GREB1L: variants seen among roughly 807,000 people sequenced by gnomAD.
GREB1L encodes the protein GREB1-like protein.
Under a neutral mutation model 200.8 loss-of-function variants are expected in GREB1L, and 17 were observed. That is an observed-to-expected ratio of 0.08 (90% CI 0.06 to 0.13). GREB1L has a LOEUF of 0.13. GREB1L is among the 10% of genes least tolerant of loss of function. The pLI is 1.00. For missense variants in GREB1L, 1,657 were observed against 2,367.7 expected, an observed-to-expected ratio of 0.70 and a Z score of 6.23; for synonymous variants, 789 against 893.0, an observed-to-expected ratio of 0.88 and a Z score of 2.08.
intron 7 of GREB1L, among the ~76,000 whole-genome samples, chr18:21,425,799 A>G (rs1194460726): frequency 1.3e-5 from 2 of 152,104 alleles, no homozygotes; most frequent in Non-Finnish European, 2.9e-5. Context: ...TATATCATAT[A>G]CGTGATTTTC....
chr18:21,499,493 C>G (rs528102160), intron 21 of GREB1L, among the ~76,000 whole-genome samples: 1 of 152,292 alleles, frequency 6.6e-6, no homozygotes, highest in African/African-American at 2.4e-5. Flanking sequence ...GGGGAAGCCA[C>G]AGAAGAAGCA....
intron 1 of GREB1L, among the ~76,000 whole-genome samples, chr18:21,344,660 C>T (rs1179357364): frequency 1.3e-5 from 2 of 152,176 alleles, no homozygotes; most frequent in Non-Finnish European, 2.9e-5. Flanking sequence ...CAAACTGTGA[C>T]TCTAAAGATT....
intron 1 of GREB1L, among the ~76,000 whole-genome samples, chr18:21,326,409 C>T (rs1415789614): frequency 1.3e-5 from 2 of 152,138 alleles, no homozygotes; most frequent in Admixed American, 1.3e-4. Context: ...CAATCTAGGT[C>T]CAAGATGGTG....
chr18:21,465,904 C>T (rs2035245949), intron 15 of GREB1L, among the ~76,000 whole-genome samples: 1 of 152,106 alleles, frequency 6.6e-6, no homozygotes, highest in African/African-American at 2.4e-5. Flanking sequence ...GCTAATGTCC[C>T]TCTCTTTTCA....
At chr18:21,325,319 A>G (rs1259241186) in intron 1 of GREB1L, among the ~76,000 whole-genome samples, 2 of 152,150 alleles carry the variant, frequency 1.3e-5, no homozygotes, top group Non-Finnish European at 2.9e-5. Context: ...ATTATCTACA[A>G]TTCTTCTCCA....
chr18:21,351,169 A>G (rs186650917), intron 1 of GREB1L, among the ~76,000 whole-genome samples: 249 of 152,222 alleles, frequency 1.6e-3, no homozygotes, highest in African/African-American at 5.8e-3. Context: ...TTCTCCCTCT[A>G]TTCTACTGTT....
At chr18:21,385,557 TG>T (rs1028122589) in intron 4 of GREB1L, among the ~76,000 whole-genome samples, 5 of 152,338 alleles carry the variant, frequency 3.3e-5, no homozygotes, top group Admixed American at 2.6e-4. Context: ...CTTATGAATT[TG>T]TTTATGATTG....
rs1032440942 is a variant in GREB1L, at chr18:21,440,461, C to T, written c.1069+73C>T. 47 of 1,398,890 alleles carry T rather than the reference C, an allele frequency of 3.4e-5. No individual in the cohort carries two copies. In the Admixed American group the frequency reaches 9.7e-4, roughly 29 times the overall value. 86.7% of individuals were successfully genotyped at this position (1,398,890 alleles called of 1,614,324 possible). ...GAGATATCTTCTACTTCCATTCTTT[C>T]CCTGAATTCTTGACAATGAGTTATA... On this transcript the variant is annotated intron_variant, in intron 9 of 32. Transcript: ENST00000424526.
intron 1 of GREB1L, among the ~76,000 whole-genome samples, chr18:21,273,777 C>CG (rs1270485279): frequency 6.6e-6 from 1 of 151,992 alleles, no homozygotes; most frequent in Non-Finnish European, 1.5e-5. Context: ...GCTTGACACA[C>CG]GGGAGGAACT....
rs576786428 is a variant in GREB1L at position 21,292,803 on chromosome 18, G to A, written c.-120+50410G>A. Among the ~76,000 whole-genome samples the A allele has an allele frequency of 2.0e-5, 3 of 152,302 alleles. No homozygotes were observed. In the South Asian group the frequency reaches 6.2e-4, roughly 32 times the overall value. On this transcript the variant is annotated intron_variant, in intron 1 of 32. Coordinates refer to ENST00000424526, the MANE Select transcript of GREB1L (RefSeq NM_001142966.3). ...TTTATGGAGTGAAATGAATGCCATC[G>A]TAGACTAGGTTCTGAAGTTTGGTCA...
Position 21,452,080 on chromosome 18 carries a change from T to C in GREB1L, c.1850-3T>C. 1 of 1,551,654 alleles carries C rather than the reference T, an allele frequency of 6.4e-7. No homozygotes were observed. Among genetic ancestry groups the C allele is most frequent in the African/African-American group, 1.4e-5 (1 of 73,134 alleles). On this transcript the variant is annotated splice_region_variant and splice_polypyrimidine_tract_variant and intron_variant, in intron 13 of 32. Transcript: ENST00000424526. ...TAACCTTCTTATCTCTATTTTGTAA[T>C]AGGCGATGACCTAGACAAGCTGCTG...
At position 21,439,504 on chromosome 18, in the gene GREB1L, C is replaced by T; in HGVS notation, c.833-17C>T. The T allele has an allele frequency of 6.9e-7, 1 of 1,453,046 alleles. No homozygotes were observed. Among genetic ancestry groups the T allele is most frequent in the Non-Finnish European group, 9.5e-7 (1 of 1,056,768 alleles). The allele number at this position is 1,453,046 out of a possible 1,614,324, so 90.0% of individuals were successfully genotyped here. A position where few individuals can be genotyped will look rare whatever the true frequency, so the allele number is the denominator to read the frequency against. On this transcript the variant is annotated splice_polypyrimidine_tract_variant and intron_variant, in intron 7 of 32. Transcript: ENST00000424526. ...CCCAGCCTCTGTTCTGAGCACTCCT[C>T]TCCTTGTGTTCTACAGATGCTGCTA...
chr18:21,287,225 A>G (rs1365128860), intron 1 of GREB1L, among the ~76,000 whole-genome samples: 3 of 151,980 alleles, frequency 2.0e-5, no homozygotes, highest in African/African-American at 4.8e-5. Context: ...CATACATGCT[A>G]TTTTTTCCCC....
At chr18:21,242,985 T>TC (rs1313823229) in intron 1 of GREB1L, among the ~76,000 whole-genome samples, 1 of 152,030 alleles carries the variant, frequency 6.6e-6, no homozygotes, top group Non-Finnish European at 1.5e-5. Context: ...TGGGTTTTTT[T>TC]CCTCAACACC....
rs79623961 is a variant in GREB1L, at chr18:21,419,319, A to G, written c.832+15325A>G. 4.8e-3 allele frequency among the ~76,000 whole-genome samples: 736 copies of G among 152,366 alleles called. 2 individuals carry two copies. The highest frequency in any genetic ancestry group is 0.016 in the African/African-American group (685 of 41,592). On this transcript the variant is annotated intron_variant, in intron 7 of 32. Transcript: ENST00000424526. ...ACGTGATTGTCTATGTAGAAGACCC[A>G]ATGAAATCTTTTAAAAAGCTACTAG... is the stretch of plus-strand genomic sequence containing the variant.
intron 27 of GREB1L, among the ~76,000 whole-genome samples, chr18:21,510,559 T>C (rs764156833): frequency 6.6e-6 from 1 of 152,242 alleles, no homozygotes; most frequent in Non-Finnish European, 1.5e-5. Flanking sequence ...CCATTTTATG[T>C]ATCTACTACA....
chr18:21,513,806 T>C lies in GREB1L; in HGVS notation c.4736-15T>C, dbSNP rs2037324110. 6.5e-7 allele frequency: 1 copy of C among 1,549,894 alleles called. No homozygotes were observed. Among genetic ancestry groups the C allele is most frequent in the Non-Finnish European group, 8.7e-7 (1 of 1,146,436 alleles). On this transcript the variant is annotated splice_polypyrimidine_tract_variant and intron_variant, in intron 27 of 32. Coordinates refer to ENST00000424526, the MANE Select transcript of GREB1L (RefSeq NM_001142966.3). ...GGATGTGTGGATATGCAGATGTGGT[T>C]ATGTTGCCTTCCAGGTGCTGCCAGG... is the stretch of plus-strand genomic sequence containing the variant.
At position 21,510,464 on chromosome 18, in the gene GREB1L, T is replaced by G. The variant is rs1310743826; in HGVS notation, c.4735+1873T>G. 3.3e-5 allele frequency among the ~76,000 whole-genome samples: 5 copies of G among 152,324 alleles called. No individual in the cohort carries two copies. The South Asian group carries it at 8.3e-4, about 25-fold the overall frequency. ...ATTTGTCCTTTAGTGACTGACTGGC[T>G]TATCTCACTTAGCATGTCCTCAAGG... On this transcript the variant is annotated intron_variant, in intron 27 of 32. Transcript: ENST00000424526.
chr18:21,348,112 T>C, intron 1 of GREB1L, among the ~76,000 whole-genome samples: 1 of 151,380 alleles, frequency 6.6e-6, no homozygotes, highest in East Asian at 2.0e-4. Flanking sequence ...GCCCGGCTAA[T>C]TTTTTTGTAT....
Sources: allele counts gnomAD v4.1 joint callset (sites outside exome capture counted in the v4.1 genomes callset), GRCh38; gene constraint gnomAD v4.1.1; transcripts MANE v1.5; gene names NCBI Gene and HGNC (gene_info 2026-07-23, HGNC 2026-07-21).